The following PDE4B variants were observed in gnomAD, a reference collection of about 807,000 sequenced individuals.
The protein encoded by PDE4B is 3',5'-cyclic-AMP phosphodiesterase 4B.
A neutral mutation model predicts 82.2 loss-of-function variants in PDE4B; 20 were observed. The ratio of observed to expected loss-of-function variants is 0.24; its 90% confidence interval spans 0.17 to 0.35. The LOEUF is 0.35. Ranked by LOEUF, PDE4B falls within the 10% of genes least tolerant of loss-of-function variation. The probability of loss-of-function intolerance (pLI) is 1.00; values close to 1 mark genes in which losing one functional copy is unlikely to be tolerated. For missense variants in PDE4B, 655 were observed against 907.2 expected, an observed-to-expected ratio of 0.72 and a Z score of 3.57; for synonymous variants, 320 against 318.9, an observed-to-expected ratio of 1.00 and a Z score of -0.04.
intron 3 of PDE4B, among the ~76,000 whole-genome samples, chr1:66,107,457 T>C (rs1379022984): frequency 6.6e-6 from 1 of 151,938 alleles, no homozygotes; most frequent in African/African-American, 2.4e-5. Flanking sequence ...TTGTTTTGAT[T>C]TCTTCACTTA....
intron 16 of PDE4B, among the ~76,000 whole-genome samples, chr1:66,371,098 A>C (rs1355493525): frequency 2.1e-5 from 1 of 47,588 alleles, no homozygotes; most frequent in African/African-American, 3.1e-4. Flanking sequence ...ATCATACTAT[A>C]TATATATATA....
chr1:65,992,679 G>C, intron 3 of PDE4B: 1 of 1,256,694 alleles, frequency 8.0e-7, no homozygotes, highest in Admixed American at 4.0e-5. Context: ...GCACTTTGGC[G>C]CATTTTCAGA....
chr1:65,961,697 T>G (rs1649549189), intron 3 of PDE4B, among the ~76,000 whole-genome samples: 1 of 152,096 alleles, frequency 6.6e-6, no homozygotes, highest in Non-Finnish European at 1.5e-5. Flanking sequence ...GGAAGACAGA[T>G]GAGTGAAAAA....
intron 3 of PDE4B, among the ~76,000 whole-genome samples, chr1:66,046,054 A>T (rs1654695036): frequency 6.6e-6 from 1 of 151,774 alleles, no homozygotes; most frequent in Non-Finnish European, 1.5e-5. Context: ...CAGAAGAGAT[A>T]TTTGAAAGGG....
intron 3 of PDE4B, among the ~76,000 whole-genome samples, chr1:65,925,564 C>A (rs1647453687): frequency 6.6e-6 from 1 of 152,122 alleles, no homozygotes; most frequent in African/African-American, 2.4e-5. Context: ...CCAACAACAT[C>A]TATTAGTTTT....
intron 3 of PDE4B, among the ~76,000 whole-genome samples, chr1:66,145,299 T>C (rs533091325): frequency 6.6e-6 from 1 of 152,262 alleles, no homozygotes; most frequent in African/African-American, 2.4e-5. Context: ...CTAAGGGAAC[T>C]GCAGAAAATA....
intron 3 of PDE4B, among the ~76,000 whole-genome samples, chr1:65,984,935 A>G (rs1354359963): frequency 6.6e-6 from 1 of 151,606 alleles, no homozygotes; most frequent in Admixed American, 6.6e-5. Context: ...ATTTAATTTT[A>G]AATTTAAATT....
chr1:66,065,556 T>C (rs1489676221), intron 3 of PDE4B, among the ~76,000 whole-genome samples: 1 of 151,876 alleles, frequency 6.6e-6, no homozygotes, highest in Non-Finnish European at 1.5e-5. Context: ...GTTTATGTCT[T>C]GAATGCGGGA....
chr1:65,908,736 C>A (rs1440526595), intron 1 of PDE4B, among the ~76,000 whole-genome samples: 11 of 152,064 alleles, frequency 7.2e-5, no homozygotes, highest in Admixed American at 7.2e-4. Context: ...ACTGAAGTTA[C>A]TTCTCCCCAG....
At chr1:65,869,082 A>G (rs1646544704) in intron 1 of PDE4B, among the ~76,000 whole-genome samples, 1 of 152,204 alleles carries the variant, frequency 6.6e-6, no homozygotes, top group Non-Finnish European at 1.5e-5. Context: ...TGGGAAATCT[A>G]GTCTGATTCT....
At chr1:65,974,646 C>A (rs1650316901) in intron 3 of PDE4B, among the ~76,000 whole-genome samples, 2 of 152,144 alleles carry the variant, frequency 1.3e-5, no homozygotes, top group African/African-American at 4.8e-5. Flanking sequence ...GTGAATGAAT[C>A]ATGGGGGTGG....
chr1:65,862,199 T>C (rs998282929), intron 1 of PDE4B, among the ~76,000 whole-genome samples: 2 of 152,176 alleles, frequency 1.3e-5, no homozygotes, highest in Admixed American at 6.5e-5. Flanking sequence ...CATAAATAGC[T>C]CTTATTATTT....
intron 3 of PDE4B, among the ~76,000 whole-genome samples, chr1:66,192,373 C>T (rs956010073): frequency 2.0e-5 from 3 of 152,056 alleles, no homozygotes; most frequent in Non-Finnish European, 4.4e-5. Flanking sequence ...TAGACTCAAC[C>T]GAACTGATCT....
At chr1:66,144,003 G>T (rs1646223089) in intron 3 of PDE4B, among the ~76,000 whole-genome samples, 1 of 152,184 alleles carries the variant, frequency 6.6e-6, no homozygotes, top group Non-Finnish European at 1.5e-5. Context: ...CTTCTTATTT[G>T]CTTAAACCAC....
chr1:66,195,317 A>C (rs898348953), intron 3 of PDE4B, among the ~76,000 whole-genome samples: 5 of 152,136 alleles, frequency 3.3e-5, no homozygotes, highest in African/African-American at 1.2e-4. Context: ...GAGAAAAATC[A>C]GTGGTATCTT....
chr1:65,937,266 G>C (rs536712761), intron 3 of PDE4B, among the ~76,000 whole-genome samples: 8 of 152,308 alleles, frequency 5.3e-5, no homozygotes, highest in African/African-American at 1.9e-4. Context: ...CCACTGGGGA[G>C]AGTGGTGGCG....
intron 1 of PDE4B, among the ~76,000 whole-genome samples, chr1:65,794,557 C>G (rs906270785): frequency 2.2e-4 from 34 of 152,276 alleles, no homozygotes; most frequent in Middle Eastern, 3.4e-3. Context: ...GGAAGTTGAG[C>G]TTCTTCTCTC....
chr1:65,802,701 G>T (rs1224455758), intron 1 of PDE4B, among the ~76,000 whole-genome samples: 1 of 151,662 alleles, frequency 6.6e-6, no homozygotes, highest in African/African-American at 2.4e-5. Context: ...TCATAAATTT[G>T]TAATCTGGAG....
intron 3 of PDE4B, among the ~76,000 whole-genome samples, chr1:66,194,695 G>A (rs1158092562): frequency 6.6e-6 from 1 of 152,068 alleles, no homozygotes; most frequent in East Asian, 1.9e-4. Flanking sequence ...TTATTGGCCT[G>A]ATCTTGCAGA....
Sources: gnomAD v4.1 joint callset for allele counts (sites outside exome capture counted in the v4.1 genomes callset) on GRCh38, gnomAD v4.1.1 for gene constraint, MANE v1.5 for transcripts, NCBI Gene and HGNC (gene_info 2026-07-23, HGNC 2026-07-21) for gene names.